Variants in ATM observed in about 807,000 individuals in gnomAD.
ATM encodes the protein ATM serine/threonine kinase.
In ATM, 308 loss-of-function variants were observed where a neutral mutation model predicts 387.0. The observed-to-expected ratio is 0.80, with a 90% confidence interval of 0.73 to 0.87. ATM has a LOEUF of 0.87. Among genes scored for constraint, ATM ranks in the 40% least tolerant of loss-of-function variants. ATM has a pLI of 0.00. For synonymous variants in ATM, 1,156 were observed against 1,187.3 expected, an observed-to-expected ratio of 0.97 and a Z score of 0.54; for missense variants, 3,312 against 3,560.9, an observed-to-expected ratio of 0.93 and a Z score of 1.78.
intron 14 of ATM, 134 bp downstream of exon 14, chr11:108,256,474 G>C: frequency 1.2e-6 from 1 of 834,234 alleles, no homozygotes; most frequent in Non-Finnish European, 1.8e-6. Flanking sequence ...TGTAATGTGA[G>C]AAGAAATTAT....
At chr11:108,325,598 T>A (rs2085593359) in intron 46 of ATM, 54 bp downstream of exon 46, 2 of 1,435,388 alleles carry the variant, frequency 1.4e-6, no homozygotes, top group East Asian at 4.6e-5. Context: ...CTTTTATTAT[T>A]TAAAAAACAG....
At chr11:108,250,281 T>G (rs2080063678) in intron 9 of ATM, among the ~76,000 whole-genome samples, 1 of 151,902 alleles carries the variant, frequency 6.6e-6, no homozygotes, top group East Asian at 1.9e-4. Flanking sequence ...GCGTCCTGAG[T>G]AGCTGGGATT....
At chr11:108,252,109 G>A (rs1300462313) in intron 11 of ATM, 78 bp downstream of exon 11, 14 of 1,267,028 alleles carry the variant, frequency 1.1e-5, no homozygotes, top group Middle Eastern at 2.7e-4. Flanking sequence ...GATGCCAGAT[G>A]GCTTTATTTT....
rs1310044429 is a variant in ATM at position 108,327,758 on chromosome 11, G to C, written c.7089G>C (p.Lys2363Asn). The C allele has an allele frequency of 6.2e-7, 1 of 1,612,190 alleles. No homozygotes were observed. Among genetic ancestry groups the C allele is most frequent in the Non-Finnish European group, 8.5e-7 (1 of 1,178,560 alleles). ...PAVIMQTYLE[K>N]AVEVAGNYDG... is the part of the protein sequence containing the mutation. The stretch of plus-strand genomic sequence containing the variant: ...TCATCATGCAGACCTATCTAGAAAA[G>C]GTAAGATTTTTGGAGCAACCCTTAA... The change falls in exon 48 of 63, where the codon AAG (lysine) becomes AAC (asparagine). Residue 2363 changes from lysine to asparagine, a missense_variant and splice_region_variant. Coordinates refer to ENST00000675843, the MANE Select transcript of ATM (RefSeq NM_000051.4).
At chr11:108,242,916 G>A (rs2079636757) in intron 5 of ATM, among the ~76,000 whole-genome samples, 1 of 152,056 alleles carries the variant, frequency 6.6e-6, no homozygotes, top group Non-Finnish European at 1.5e-5. Context: ...TAATTTGTTA[G>A]GTTACAAGTA....
At chr11:108,300,185 G>C (rs2083353423) in intron 34 of ATM, among the ~76,000 whole-genome samples, 1 of 152,178 alleles carries the variant, frequency 6.6e-6, no homozygotes, top group Non-Finnish European at 1.5e-5. Context: ...TAAGATAGGG[G>C]AATATAAAGG....
chr11:108,304,890 C>T (rs1413719851), intron 37 of ATM, 38 bp downstream of exon 37: 2 of 1,595,940 alleles, frequency 1.3e-6, no homozygotes, highest in East Asian at 2.2e-5. Flanking sequence ...ACTGTAAACT[C>T]AGTTCTAGAG....
chr11:108,277,710 C>T (rs577232762), intron 22 of ATM, among the ~76,000 whole-genome samples: 1 of 152,166 alleles, frequency 6.6e-6, no homozygotes, highest in Non-Finnish European at 1.5e-5. Flanking sequence ...GTGGGCTGCA[C>T]CCACTGTCTA....
chr11:108,333,991 T>G (rs1253819094), intron 54 of ATM, 23 bp downstream of exon 54: 1 of 1,549,964 alleles, frequency 6.5e-7, no homozygotes. Flanking sequence ...TAACTCTTGA[T>G]TTTTTTTAAA....
At chr11:108,257,048 G>A (rs1172868906) in intron 14 of ATM, among the ~76,000 whole-genome samples, 2 of 152,130 alleles carry the variant, frequency 1.3e-5, no homozygotes, top group African/African-American at 2.4e-5. Flanking sequence ...TGGGATTGCT[G>A]GGTCAAATGG....
At chr11:108,271,449 CTG>C in intron 20 of ATM, 43 bp downstream of exon 20, 1 of 1,611,114 alleles carries the variant, frequency 6.2e-7, no homozygotes, top group Non-Finnish European at 8.5e-7. Flanking sequence ...CTTTTGCTAT[CTG>C]TGGATACGAA....
At chr11:108,241,277 T>C (rs1275670955) in intron 5 of ATM, among the ~76,000 whole-genome samples, 1 of 152,186 alleles carries the variant, frequency 6.6e-6, no homozygotes, top group African/African-American at 2.4e-5. Flanking sequence ...CTGTTTTGTT[T>C]TGTTTTGTTT....
At position 108,316,287 on chromosome 11, in the gene ATM, A is replaced by G. The variant is rs111373632; in HGVS notation, c.6198+174A>G. Among the ~76,000 whole-genome samples the G allele has an allele frequency of 1.9e-3, 287 of 151,220 alleles. 1 individual carries two copies. The highest frequency in any genetic ancestry group is 3.4e-3 in the Middle Eastern group (1 of 294). Reference sequence around the variant, plus strand: ...GGATACTCCTGAAGCAGAGGGATGCAAAAAAAAGAGAAAAAATTCAGGGAG... The same window carrying G: ...GGATACTCCTGAAGCAGAGGGATGCGAAAAAAAGAGAAAAAATTCAGGGAG... On this transcript the variant is annotated intron_variant, in intron 42 of 62. Transcript: ENST00000675843.
intron 1 of ATM, chr11:108,223,476 ATCTC>A (rs914165643): frequency 1.3e-5 from 2 of 151,942 alleles, no homozygotes; most frequent in African/African-American, 2.4e-5. Flanking sequence ...TCATCTTTTG[ATCTC>A]TCTCTCGTAT....
chr11:108,271,555 T>A, intron 20 of ATM, 149 bp downstream of exon 20: 1 of 1,057,718 alleles, frequency 9.5e-7, no homozygotes, highest in Non-Finnish European at 1.4e-6. Context: ...TGTGTTTCCC[T>A]CAGTCGCTTG....
chr11:108,280,890 A>G (rs1220674173), intron 23 of ATM, 105 bp from the exon 24 acceptor site: 32 of 1,036,900 alleles, frequency 3.1e-5, no homozygotes, highest in Non-Finnish European at 4.5e-5. Context: ...AGGTTTCTGA[A>G]ATGTGTATAG....
chr11:108,234,069 C>A (rs2079151249), intron 4 of ATM, among the ~76,000 whole-genome samples: 1 of 152,024 alleles, frequency 6.6e-6, no homozygotes, highest in Non-Finnish European at 1.5e-5. Context: ...AATTCCTTTC[C>A]TTAAGGATCT....
At chr11:108,361,610 A>G (rs537708268) in intron 61 of ATM, among the ~76,000 whole-genome samples, 1 of 151,920 alleles carries the variant, frequency 6.6e-6, no homozygotes, top group South Asian at 2.1e-4. Context: ...ATATAGATCA[A>G]TGGAACAGAA....
intron 31 of ATM, among the ~76,000 whole-genome samples, chr11:108,293,894 A>AATATATATAT (rs1220002313): frequency 4.8e-5 from 4 of 83,706 alleles, no homozygotes; most frequent in Non-Finnish European, 7.0e-5. Flanking sequence ...AAAAAAAAAA[A>AATATATATAT]ATATATATAT....
Sources: allele counts gnomAD v4.1 joint callset (sites outside exome capture counted in the v4.1 genomes callset), GRCh38; gene constraint gnomAD v4.1.1; transcripts MANE v1.5; gene names NCBI Gene and HGNC (gene_info 2026-07-23, HGNC 2026-07-21).